ATP4A: variants seen among roughly 807,000 people sequenced by gnomAD.
The protein encoded by ATP4A is potassium-transporting ATPase alpha chain 1.
In ATP4A, 73 loss-of-function variants were observed where a neutral mutation model predicts 112.1. The ratio of observed to expected loss-of-function variants is 0.65; its 90% CI spans 0.54 to 0.79. The LOEUF is 0.79. Among genes scored for constraint, ATP4A ranks in the 30% least tolerant of loss-of-function variants. ATP4A has a pLI of 0.00. For synonymous variants in ATP4A, 588 were observed against 588.9 expected, an observed-to-expected ratio of 1.00 and a Z score of 0.02; for missense variants, 1,081 against 1,425.9, an observed-to-expected ratio of 0.76 and a Z score of 3.90.
In ATP4A at chr19:35,562,445, G is replaced by A. The variant is rs753533039; in HGVS notation, c.410C>T (p.Thr137Ile). ...AIQASEGDLT[T>I]DDNLYLAIAL... is the part of the protein sequence containing the mutation. ...CACAACATGGCTCACATTGTCGTCG[G>A]TGGTGAGGTCCCCCTCACTAGCCTG... The change falls in exon 4 of 22, where the codon ACC becomes ATC. Residue 137 changes from threonine (T) to isoleucine (I), a missense_variant. By Grantham distance (89) the Thr-to-Ile change is moderately conservative. Around this residue, in one of 3 missense-constraint regions of ATP4A, gnomAD observed 850 missense variants for 1,068.2 expected, o/e 0.80. Transcript: ENST00000262623. The A allele has an allele frequency of 6.2e-7, 1 of 1,613,870 alleles. No homozygotes were observed. The highest frequency in any genetic ancestry group is 2.2e-5 in the East Asian group (1 of 44,884).
In ATP4A at chr19:35,551,710, T is replaced by C; in HGVS notation, c.2752-130A>G. 1 of 1,124,986 alleles carries C rather than the reference T, an allele frequency of 8.9e-7. No homozygotes were observed. The highest frequency in any genetic ancestry group is 1.2e-6 in the Non-Finnish European group (1 of 809,416). The allele number at this position is 1,124,986 out of a possible 1,614,324, so 69.7% of individuals were successfully genotyped here. The stretch of plus-strand genomic sequence containing the variant: ...ATGCTCTCTCTGCCTTGCATCAGAG[T>C]GTGGGGGTGGGGGGAAGGAGAGAGG... On this transcript the variant is annotated intron_variant, in intron 18 of 21. Transcript: ENST00000262623. The surrounding 1 kb of genome is among the most constrained non-coding windows in gnomAD (Gnocchi z 5.2).
Position 35,557,655 on chromosome 19 carries a change from C to T in ATP4A, c.1693G>A (p.Gly565Ser), listed in dbSNP as rs752236202. 13 of 1,604,562 alleles carry T rather than the reference C, an allele frequency of 8.1e-6. No homozygotes were observed. Among genetic ancestry groups the T allele is most frequent in the Non-Finnish European group, 1.1e-5 (13 of 1,176,588 alleles). ...SLGGLGERVLGFCQLYLNEKD... is the reference protein window; with the variant it reads ...SLGGLGERVLSFCQLYLNEKD... ...CTCCTCCCCTGCCCAGGGGTCTCAC[C>T]GAGCACGCGTTCGCCCAGGCCTCCC... The change falls in exon 11 of 22, where the codon GGC (glycine) becomes AGC (serine). Residue 565 changes from glycine (G) to serine (S), a missense_variant and splice_region_variant. By Grantham distance (56) the Gly-to-Ser change is moderately conservative (BLOSUM62 0). Transcript: ENST00000262623. The surrounding 1 kb of genome is among the most constrained non-coding windows in gnomAD (Gnocchi z 4.4).
chr19:35,563,252 G>A lies in ATP4A; in HGVS notation c.173C>T (p.Ser58Leu), dbSNP rs1256828399. The A allele has an allele frequency of 3.7e-6, 6 of 1,613,826 alleles. No individual in the cohort carries two copies. The highest frequency in any genetic ancestry group is 3.3e-5 in the Admixed American group (2 of 59,988). ...KEMEINDHQLSVAELEQKYQT... is the reference protein window; with the variant it reads ...KEMEINDHQLLVAELEQKYQT... ...GTATTTCTGTTCCAGCTCCGCCACT[G>A]ACAGCTGGTGGTCGTTCTGTGTGGT... Residue 58 changes from serine (S) to leucine (L), a missense_variant, in exon 3 of 22, where the codon TCA becomes TTA. This residue lies in a region of ATP4A where 850 missense variants were observed against 1,068.2 expected (regional missense o/e 0.80). Coordinates refer to ENST00000262623, the MANE Select transcript of ATP4A (RefSeq NM_000704.3).
In ATP4A at chr19:35,555,077, C is replaced by T. The variant is rs763611116; in HGVS notation, c.2327-1G>A. 2 of 1,613,214 alleles carry T rather than the reference C, an allele frequency of 1.2e-6. No individual in the cohort carries two copies. Among genetic ancestry groups the T allele is most frequent in the African/African-American group, 1.3e-5 (1 of 75,018 alleles). On this transcript the variant is annotated splice_acceptor_variant, in intron 15 of 21. Transcript: ENST00000262623. LOFTEE classifies it high-confidence loss of function. The surrounding 1 kb of genome is among the most constrained non-coding windows in gnomAD (Gnocchi z 6.6). ...TTCAGGTTGTCGAAGATCAGTCGAC[C>T]TGTGGGGTAGGGTGGGCACCTCAGC...
chr19:35,563,413 G>A lies in ATP4A; in HGVS notation c.127C>T (p.Leu43=). ...TCCATCTCCTTCTTCATGTTCTCCAGCTTCTCCTTCCTCTTGCCACCCCCG... is the reference window on the plus strand; with the variant it reads ...TCCATCTCCTTCTTCATGTTCTCCAACTTCTCCTTCCTCTTGCCACCCCCG... ...GGGGGKRKEK[L]ENMKKEMEIN... Residue 43 remains leucine (L), a synonymous_variant, in exon 2 of 22, where the codon CTG becomes TTG. Transcript: ENST00000262623. 4 of 1,612,894 alleles carry A rather than the reference G, an allele frequency of 2.5e-6. No individual in the cohort carries two copies. Among genetic ancestry groups the A allele is most frequent in the Non-Finnish European group, 3.4e-6 (4 of 1,179,806 alleles).
In ATP4A at chr19:35,555,594, GGGA is replaced by G. The variant is rs1457508596; in HGVS notation, c.2007-7_2007-5del. On this transcript the variant is annotated splice_polypyrimidine_tract_variant and splice_region_variant and intron_variant, in intron 13 of 21. Coordinates refer to ENST00000262623, the MANE Select transcript of ATP4A (RefSeq NM_000704.3). The surrounding 1 kb of genome is among the most constrained non-coding windows in gnomAD (Gnocchi z 6.6). ...GATCACACAGGCACGGGCATCCCTG[GGGA>G]GGAGATGGGAGGACCTCGCTGGGAC... The G allele has an allele frequency of 1.3e-6, 2 of 1,575,450 alleles. No individual in the cohort carries two copies. The highest frequency in any genetic ancestry group is 2.3e-5 in the South Asian group (2 of 86,174).
At chr19:35,562,816 T>G (rs189236597) in intron 3 of ATP4A, among the ~76,000 whole-genome samples, 178 bp from the exon 4 acceptor site, 44 of 145,284 alleles carry the variant, frequency 3.0e-4, no homozygotes, top group African/African-American at 1.1e-3. Flanking sequence ...CATCTCTCCC[T>G]TTGTCTCTCT....
chr19:35,550,414 C>G lies in ATP4A; in HGVS notation c.*201G>C. On this transcript the variant is annotated 3_prime_UTR_variant, in exon 22 of 22. Coordinates refer to ENST00000262623, the MANE Select transcript of ATP4A (RefSeq NM_000704.3). This position sits in a 1 kb window ranked among gnomAD's most constrained non-coding sequence, Gnocchi z 4.1. ...GAGGACTGCCCAGGCGCTGCTGCTC[C>G]AGGAGGTGCGAACCTTGGGAATGGG... 1.5e-6 allele frequency: 1 copy of G among 670,726 alleles called. No individual in the cohort carries two copies. The highest frequency in any genetic ancestry group is 2.5e-6 in the Non-Finnish European group (1 of 401,548). The allele number at this position is 670,726 out of a possible 1,614,324, so 41.5% of individuals were successfully genotyped here.
rs745362587 is a variant in ATP4A, at chr19:35,555,610, AC to A, written c.2007-21del. The A allele has an allele frequency of 1.3e-6, 2 of 1,575,076 alleles. No homozygotes were observed. The highest frequency in any genetic ancestry group is 3.4e-5 in the Admixed American group (2 of 58,264). ...GCATCCCTGGGGAGGAGATGGGAGG[AC>A]CTCGCTGGGACCTCGGTCTGTGCCA... On this transcript the variant is annotated intron_variant, in intron 13 of 21. Transcript: ENST00000262623. This position sits in a 1 kb window ranked among gnomAD's most constrained non-coding sequence, Gnocchi z 6.6.
chr19:35,562,577 G>A lies in ATP4A; in HGVS notation c.278C>T (p.Pro93Leu). ...LLRDGPNALR[P>L]PRGTPEYVKF... ...GACGTACTCTGGGGTGCCCCGTGGTGGCCGCAGTGCGTTGGGCCCATCCCG... is the reference window on the plus strand; with the variant it reads ...GACGTACTCTGGGGTGCCCCGTGGTAGCCGCAGTGCGTTGGGCCCATCCCG... The change falls in exon 4 of 22, where the codon CCA becomes CTA. Residue 93 changes from proline to leucine, a missense_variant. Physicochemically the swap from Pro to Leu is moderately conservative, Grantham distance 98 (BLOSUM62 -3). This residue lies in a region of ATP4A where 850 missense variants were observed against 1,068.2 expected (regional missense o/e 0.80). Coordinates refer to ENST00000262623, the MANE Select transcript of ATP4A (RefSeq NM_000704.3). 1 of 1,611,890 alleles carries A rather than the reference G, an allele frequency of 6.2e-7. No individual in the cohort carries two copies. Among genetic ancestry groups the A allele is most frequent in the East Asian group, 2.2e-5 (1 of 44,796 alleles).
Position 35,554,917 on chromosome 19 carries a change from C to A in ATP4A, c.2481+5G>T. Reference sequence around the variant, plus strand: ...GTGGATGGGTACCCTGGGCTGTGGACTTACAATGTCAGTGCAGAGTTCGAT... The same window carrying A: ...GTGGATGGGTACCCTGGGCTGTGGAATTACAATGTCAGTGCAGAGTTCGAT... On this transcript the variant is annotated splice_donor_5th_base_variant and intron_variant, in intron 16 of 21. Transcript: ENST00000262623. 6.2e-7 allele frequency: 1 copy of A among 1,614,034 alleles called. No individual in the cohort carries two copies.
rs1246544613 is a variant in ATP4A at position 35,557,322 on chromosome 19, G to C, written c.1694-234C>G. ...CAGAGAGGGGACATTTCTTGCCAGAGGTCACACAGCAAGTAAAAGGCCCAG... is the reference window on the plus strand; with the variant it reads ...CAGAGAGGGGACATTTCTTGCCAGACGTCACACAGCAAGTAAAAGGCCCAG... On this transcript the variant is annotated intron_variant, in intron 11 of 21. Transcript: ENST00000262623. The surrounding 1 kb of genome is among the most constrained non-coding windows in gnomAD (Gnocchi z 4.4). Among the ~76,000 whole-genome samples, 1 of 152,116 alleles carries C rather than the reference G, an allele frequency of 6.6e-6. No individual in the cohort carries two copies. Among genetic ancestry groups the C allele is most frequent in the Non-Finnish European group, 1.5e-5 (1 of 68,024 alleles).
rs1394351543 is a variant in ATP4A at position 35,562,649 on chromosome 19, G to A, written c.217-11C>T. 2 of 1,580,130 alleles carry A rather than the reference G, an allele frequency of 1.3e-6. No individual in the cohort carries two copies. Among genetic ancestry groups the A allele is most frequent in the Non-Finnish European group, 1.7e-6 (2 of 1,164,672 alleles). The stretch of plus-strand genomic sequence containing the variant: ...GCTCGCAGAGAGGCCCTGGGACAGA[G>A]GGGCAGGGCGAGGCGGTCCTGGGGG... On this transcript the variant is annotated splice_polypyrimidine_tract_variant and intron_variant, in intron 3 of 21. Coordinates refer to ENST00000262623, the MANE Select transcript of ATP4A (RefSeq NM_000704.3).
At chr19:35,556,235 C>T (rs2071630984) in intron 12 of ATP4A, among the ~76,000 whole-genome samples, 1 of 152,082 alleles carries the variant, frequency 6.6e-6, no homozygotes, top group Admixed American at 6.5e-5. Flanking sequence ...TGAGGACAGG[C>T]CCGAACTGTC....
At chr19:35,561,589 C>G (rs907153203) in intron 4 of ATP4A, among the ~76,000 whole-genome samples, 4 of 152,084 alleles carry the variant, frequency 2.6e-5, no homozygotes, top group Non-Finnish European at 5.9e-5. Flanking sequence ...GAGCCTCTGT[C>G]CCATGTCACA....
chr19:35,561,643 GTCC>G (rs1250648364), intron 4 of ATP4A, among the ~76,000 whole-genome samples: 1 of 151,812 alleles, frequency 6.6e-6, no homozygotes, highest in Non-Finnish European at 1.5e-5. Flanking sequence ...TCTGCCATAT[GTCC>G]AATGTCCCTT....
At position 35,556,988 on chromosome 19, in the gene ATP4A, T is replaced by G. The variant is rs2071634510; in HGVS notation, c.1794A>C (p.Gly598=). Reference sequence around the variant, plus strand: ...GGGGTGGGTCAATCATGGATACAAGTCCCGCAAAGCAGAGGCCGCTAGATG... The same window carrying G: ...GGGGTGGGTCAATCATGGATACAAGGCCCGCAAAGCAGAGGCCGCTAGATG... ...NFPSSGLCFA[G]LVSMIDPPRA... Residue 598 remains glycine, a synonymous_variant, in exon 12 of 22, where the codon GGA becomes GGC. Transcript: ENST00000262623. The G allele has an allele frequency of 6.2e-7, 1 of 1,613,888 alleles. No individual in the cohort carries two copies. Among genetic ancestry groups the G allele is most frequent in the East Asian group, 2.2e-5 (1 of 44,878 alleles).
rs2071595391 is a variant in ATP4A at position 35,550,555 on chromosome 19, C to T, written c.*60G>A. ...ATCTTGGTGGCTGTCCAGAGGGTCC[C>T]ACGAGCCCTGCCCCCACCTGCTGTG... On this transcript the variant is annotated 3_prime_UTR_variant, in exon 22 of 22. Transcript: ENST00000262623. The surrounding 1 kb of genome is among the most constrained non-coding windows in gnomAD (Gnocchi z 4.1). 6.2e-7 allele frequency: 1 copy of T among 1,603,454 alleles called. No individual in the cohort carries two copies. Among genetic ancestry groups the T allele is most frequent in the African/African-American group, 1.3e-5 (1 of 74,642 alleles).
At chr19:35,553,605 G>A in intron 17 of ATP4A, 101 bp downstream of exon 17, 1 of 1,497,672 alleles carries the variant, frequency 6.7e-7, no homozygotes, top group Non-Finnish European at 8.9e-7. Flanking sequence ...TGCAGACACT[G>A]AGGTCCAGAA....
Sources: allele counts gnomAD v4.1 joint callset (sites outside exome capture counted in the v4.1 genomes callset), GRCh38; gene constraint gnomAD v4.1.1; regional missense constraint gnomAD v4.1.1; non-coding constraint Gnocchi (gnomAD v3.1); transcripts MANE v1.5; gene names NCBI Gene and HGNC (gene_info 2026-07-23, HGNC 2026-07-21).